Variants in CASR observed in about 807,000 individuals in gnomAD.
CASR encodes calcium sensing receptor.
In CASR, 23 loss-of-function variants were observed where a neutral mutation model predicts 69.1. The ratio of observed to expected loss-of-function variants is 0.33; its 90% CI spans 0.24 to 0.47. The LOEUF is 0.47. CASR is among the 20% of genes least tolerant of loss of function. The pLI, the probability that CASR is intolerant of heterozygous loss-of-function variation, is 1.00. For missense variants in CASR, 924 were observed against 1,356.1 expected (o/e 0.68, Z 5.00); for synonymous variants, 541 against 544.7 (o/e 0.99, Z 0.10).
At chr3:122,191,994 C>T (rs181156934) in intron 1 of CASR, among the ~76,000 whole-genome samples, 117 of 152,318 alleles carry the variant, frequency 7.7e-4, no homozygotes, top group African/African-American at 2.6e-3. Context: ...TGTTCACAGC[C>T]TTTGACCAAA....
At chr3:122,234,403 G>A (rs528041540) in intron 1 of CASR, among the ~76,000 whole-genome samples, 1 of 152,142 alleles carries the variant, frequency 6.6e-6, no homozygotes, top group Non-Finnish European at 1.5e-5. Flanking sequence ...TAACCAACAC[G>A]TGGGCACAGC....
intron 1 of CASR, among the ~76,000 whole-genome samples, chr3:122,228,636 T>G (rs2074249991): frequency 6.6e-6 from 1 of 152,018 alleles, no homozygotes; most frequent in Non-Finnish European, 1.5e-5. Flanking sequence ...CTTAGAAGAG[T>G]AGAAGGGGCT....
chr3:122,257,684 AAT>A, intron 3 of CASR: 1 of 300,890 alleles, frequency 3.3e-6, no homozygotes. Flanking sequence ...TCCTTTAGTA[AAT>A]TTTTTTTCCT....
intron 5 of CASR, among the ~76,000 whole-genome samples, chr3:122,279,136 A>G (rs983123319): frequency 2.6e-5 from 4 of 152,134 alleles, no homozygotes; most frequent in Non-Finnish European, 5.9e-5. Flanking sequence ...TGGAAACCAA[A>G]TGCCACTATC....
In CASR at chr3:122,254,195, A is replaced by C. The variant is rs112042188; in HGVS notation, c.6A>C (p.Ala2=). The change falls in exon 2 of 7, where the codon GCA becomes GCC. Residue 2 remains alanine, a synonymous_variant. Coordinates refer to ENST00000639785, the MANE Select transcript of CASR (RefSeq NM_000388.4). ...CCTGGAGAGACGGCAGAACCATGGC[A>C]TTTTATAGCTGCTGCTGGGTCCTCT... M[A]FYSCCWVLLA... 1.9e-4 allele frequency: 306 copies of C among 1,612,928 alleles called. No homozygotes were observed. The African/African-American group carries it at 3.7e-3, about 19-fold the overall frequency.
intron 4 of CASR, 63 bp downstream of exon 4, chr3:122,262,475 G>A: frequency 6.8e-7 from 1 of 1,460,268 alleles, no homozygotes; most frequent in East Asian, 2.3e-5. Flanking sequence ...TGCAACTCCA[G>A]GCAAGAAAAA....
intron 1 of CASR, among the ~76,000 whole-genome samples, chr3:122,242,292 C>T (rs920266464): frequency 6.6e-6 from 1 of 151,986 alleles, no homozygotes; most frequent in African/African-American, 2.4e-5. Context: ...CTATAGACTC[C>T]ACCAAAAAAA....
Position 122,240,508 on chromosome 3 carries a change from G to A in CASR, c.-242-13440G>A, listed in dbSNP as rs151278035. On this transcript the variant is annotated intron_variant, in intron 1 of 6. Transcript: ENST00000639785. ...TATAACAATTTTAAATATATATGCA[G>A]CCAACACTGGAGCACCCAGATATAC... 1.8e-3 allele frequency among the ~76,000 whole-genome samples: 270 copies of A among 152,176 alleles called. 3 individuals carry two copies. The highest frequency in any genetic ancestry group is 6.2e-3 in the African/African-American group (256 of 41,528).
chr3:122,201,670 G>A lies in CASR; in HGVS notation c.-243+17858G>A, dbSNP rs58265088. 7.4e-3 allele frequency among the ~76,000 whole-genome samples: 620 copies of A among 83,876 alleles called. 3 individuals carry two copies. Among genetic ancestry groups the A allele is most frequent in the African/African-American group, 0.021 (591 of 27,500 alleles). 55.0% of individuals were successfully genotyped at this position (83,876 alleles called of 152,430 possible). A position where few individuals can be genotyped will look rare whatever the true frequency, so the allele number is the denominator to read the frequency against. On this transcript the variant is annotated intron_variant, in intron 1 of 6. Transcript: ENST00000639785. ...TCCCGGACGGGGCGGCTGGCCAGGC[G>A]GGGGCTGACCCCCACCTCCCTCCCG...
At chr3:122,210,693 C>T (rs2074056097) in intron 1 of CASR, among the ~76,000 whole-genome samples, 2 of 151,974 alleles carry the variant, frequency 1.3e-5, no homozygotes, top group Admixed American at 6.6e-5. Context: ...AATGCTATTC[C>T]CATTAAACTA....
intron 1 of CASR, among the ~76,000 whole-genome samples, chr3:122,252,937 G>T (rs573012766): frequency 6.6e-6 from 1 of 152,196 alleles, no homozygotes; most frequent in Non-Finnish European, 1.5e-5. Flanking sequence ...GACTCACAGG[G>T]TGAGTGAGAT....
intron 1 of CASR, among the ~76,000 whole-genome samples, chr3:122,227,620 T>C (rs1011288876): frequency 6.6e-6 from 1 of 151,888 alleles, no homozygotes; most frequent in Non-Finnish European, 1.5e-5. Flanking sequence ...AGAAAGGGGC[T>C]CCCACAGCGC....
At chr3:122,226,996 G>T (rs962954952) in intron 1 of CASR, among the ~76,000 whole-genome samples, 1 of 152,108 alleles carries the variant, frequency 6.6e-6, no homozygotes, top group Non-Finnish European at 1.5e-5. Context: ...GTGCCAATTG[G>T]TGTATTCACA....
At chr3:122,218,528 C>T (rs895381753) in intron 1 of CASR, among the ~76,000 whole-genome samples, 4 of 123,806 alleles carry the variant, frequency 3.2e-5, no homozygotes, top group African/African-American at 9.3e-5. Flanking sequence ...GGCAACAGAG[C>T]GAGACTCTGT....
intron 4 of CASR, among the ~76,000 whole-genome samples, chr3:122,269,383 G>T (rs2074731107): frequency 1.3e-5 from 2 of 152,156 alleles, no homozygotes; most frequent in Admixed American, 1.3e-4. Context: ...AGTTGAGAAA[G>T]TTCCCTTTTA....
chr3:122,223,455 T>G (rs9821555), intron 1 of CASR, among the ~76,000 whole-genome samples: 109,132 of 151,972 alleles, frequency 0.72, 39,451 homozygotes, highest in Admixed American at 0.82. Context: ...CTAGAAGAAA[T>G]GGATAAAATC....
chr3:122,227,316 G>A (rs1054731854), intron 1 of CASR, among the ~76,000 whole-genome samples: 2 of 152,026 alleles, frequency 1.3e-5, no homozygotes, highest in African/African-American at 2.4e-5. Flanking sequence ...GTGGGGGGTT[G>A]GGGTGGGGAG....
intron 4 of CASR, among the ~76,000 whole-genome samples, chr3:122,266,296 C>T (rs1439502835): frequency 6.6e-6 from 1 of 151,530 alleles, no homozygotes; most frequent in African/African-American, 2.4e-5. Flanking sequence ...AGTATGTTAG[C>T]TTCTAAGTGC....
At chr3:122,195,219 A>G (rs1252865547) in intron 1 of CASR, among the ~76,000 whole-genome samples, 1 of 152,170 alleles carries the variant, frequency 6.6e-6, no homozygotes, top group Non-Finnish European at 1.5e-5. Context: ...TAACAGGGCT[A>G]CAGAGCAGCT....
Sources: allele counts gnomAD v4.1 joint callset (sites outside exome capture counted in the v4.1 genomes callset), GRCh38; gene constraint gnomAD v4.1.1; transcripts MANE v1.5; gene names NCBI Gene and HGNC (gene_info 2026-07-23, HGNC 2026-07-21).